VSTM2L: variants seen among roughly 807,000 people sequenced by gnomAD.
The protein encoded by VSTM2L is V-set and transmembrane domain-containing protein 2-like protein.
Under a neutral mutation model 19.9 loss-of-function variants are expected in VSTM2L, and 9 were observed. The observed-to-expected ratio is 0.45, with a 90% CI of 0.27 to 0.79. The LOEUF is 0.79. Ranked by LOEUF, VSTM2L falls within the 30% of genes least tolerant of loss-of-function variation. The pLI, the probability that VSTM2L is intolerant of heterozygous loss-of-function variation, is 0.15. For synonymous variants in VSTM2L, 127 were observed against 133.8 expected (o/e 0.95, Z 0.35); for missense variants, 286 against 295.5 (o/e 0.97, Z 0.24).
intron 1 of VSTM2L, among the ~76,000 whole-genome samples, chr20:37,923,543 C>G (rs1274176735): frequency 6.6e-6 from 1 of 152,232 alleles, no homozygotes; most frequent in Admixed American, 6.5e-5. Context: ...CCAGCTCAGG[C>G]CCTGAGGCTG....
chr20:37,942,869 C>A (rs2072980705), intron 3 of VSTM2L, among the ~76,000 whole-genome samples: 1 of 152,250 alleles, frequency 6.6e-6, no homozygotes, highest in African/African-American at 2.4e-5. Flanking sequence ...AACATCCTTG[C>A]TCCCCCCAAG....
chr20:37,906,231 G>A (rs767342790), intron 1 of VSTM2L, among the ~76,000 whole-genome samples: 13 of 152,114 alleles, frequency 8.5e-5, no homozygotes, highest in Non-Finnish European at 1.2e-4. Flanking sequence ...GGTCAGAAAG[G>A]ACATCTGTTT....
intron 1 of VSTM2L, among the ~76,000 whole-genome samples, chr20:37,914,149 G>A (rs936154140): frequency 6.6e-6 from 1 of 151,606 alleles, no homozygotes; most frequent in African/African-American, 2.4e-5. Context: ...GTGTGTGTGC[G>A]TGTGTGTATG....
chr20:37,931,130 T>C lies in VSTM2L; in HGVS notation c.122-505T>C, dbSNP rs917675718. ...CCAGGGGAATGGGTGCTGATCCCCA[T>C]ACCTGGGGTCCCAGGGGAGGGTTCT... On this transcript the variant is annotated intron_variant, in intron 1 of 3. Transcript: ENST00000373461. 2.1e-4 allele frequency among the ~76,000 whole-genome samples: 32 copies of C among 152,244 alleles called. No homozygotes were observed. In the Middle Eastern group the frequency reaches 0.01, roughly 49 times the overall value.
intron 1 of VSTM2L, among the ~76,000 whole-genome samples, chr20:37,915,085 C>T (rs1378090039): frequency 2.0e-5 from 3 of 152,230 alleles, no homozygotes; most frequent in Non-Finnish European, 4.4e-5. Flanking sequence ...AATGGAGGCC[C>T]GGCGGCCAGA....
At chr20:37,929,279 C>T (rs2072895630) in intron 1 of VSTM2L, among the ~76,000 whole-genome samples, 1 of 152,042 alleles carries the variant, frequency 6.6e-6, no homozygotes, top group South Asian at 2.1e-4. Flanking sequence ...ACTGGGATGC[C>T]TGGGGAAGGA....
At chr20:37,907,574 G>C (rs2072757541) in intron 1 of VSTM2L, among the ~76,000 whole-genome samples, 1 of 151,954 alleles carries the variant, frequency 6.6e-6, no homozygotes, top group Non-Finnish European at 1.5e-5. Context: ...GTCCAGACAG[G>C]GGCAGGTGGA....
chr20:37,931,934 TCTCC>T, intron 2 of VSTM2L, 130 bp downstream of exon 2: 2 of 1,098,860 alleles, frequency 1.8e-6, no homozygotes, highest in Non-Finnish European at 1.3e-6. Context: ...CACACAGCTG[TCTCC>T]CTCCCTTCTT....
chr20:37,927,102 C>A (rs191877574), intron 1 of VSTM2L, among the ~76,000 whole-genome samples: 1 of 152,134 alleles, frequency 6.6e-6, no homozygotes, highest in African/African-American at 2.4e-5. Flanking sequence ...GTAGCTGGGA[C>A]TACAGGCACA....
At chr20:37,911,795 A>G (rs1294849633) in intron 1 of VSTM2L, among the ~76,000 whole-genome samples, 1 of 152,168 alleles carries the variant, frequency 6.6e-6, no homozygotes, top group Non-Finnish European at 1.5e-5. Flanking sequence ...CCACTGAACA[A>G]TGGTGAGTTT....
chr20:37,914,635 C>T (rs957373200), intron 1 of VSTM2L, among the ~76,000 whole-genome samples: 1 of 152,026 alleles, frequency 6.6e-6, no homozygotes, highest in Admixed American at 6.5e-5. Flanking sequence ...GCTCCTGGCT[C>T]CCCTGTGCTC....
chr20:37,932,823 A>G (rs1240316209), intron 2 of VSTM2L, among the ~76,000 whole-genome samples: 4 of 152,220 alleles, frequency 2.6e-5, no homozygotes, highest in African/African-American at 9.6e-5. Flanking sequence ...GCAAACATAG[A>G]GATCTGCCCA....
At chr20:37,937,206 C>T (rs1013078149) in intron 3 of VSTM2L, among the ~76,000 whole-genome samples, 3 of 152,058 alleles carry the variant, frequency 2.0e-5, no homozygotes, top group South Asian at 2.1e-4. Flanking sequence ...AGATCATTTA[C>T]GTGGGAGGAC....
intron 3 of VSTM2L, among the ~76,000 whole-genome samples, chr20:37,942,875 C>A (rs146710077): frequency 6.6e-6 from 1 of 152,370 alleles, no homozygotes; most frequent in East Asian, 1.9e-4. Context: ...CTTGCTCCCC[C>A]CAAGTGGAGT....
chr20:37,920,017 T>C (rs186345547), intron 1 of VSTM2L, among the ~76,000 whole-genome samples: 722 of 152,316 alleles, frequency 4.7e-3, no homozygotes, highest in Middle Eastern at 0.01. Flanking sequence ...CTGGCTCCAA[T>C]GGCCCCCAGG....
chr20:37,933,613 G>A (rs1224256251), intron 3 of VSTM2L, 24 bp downstream of exon 3: 34 of 1,613,330 alleles, frequency 2.1e-5, no homozygotes, highest in South Asian at 8.8e-5. Context: ...ATGACTTCTC[G>A]AAAGGGCTCT....
intron 1 of VSTM2L, among the ~76,000 whole-genome samples, chr20:37,904,913 C>A (rs2072743247): frequency 6.6e-6 from 1 of 152,132 alleles, no homozygotes; most frequent in South Asian, 2.1e-4. Context: ...CATTTACATA[C>A]CCTTCATGCC....
chr20:37,931,056 G>T (rs1269095541), intron 1 of VSTM2L, among the ~76,000 whole-genome samples: 2 of 152,196 alleles, frequency 1.3e-5, no homozygotes, highest in Non-Finnish European at 2.9e-5. Flanking sequence ...AACAGCCAGA[G>T]CAAGAGTGAG....
intron 1 of VSTM2L, among the ~76,000 whole-genome samples, chr20:37,925,974 C>A (rs2122960710): frequency 6.6e-6 from 1 of 152,382 alleles, no homozygotes; most frequent in South Asian, 2.1e-4. Context: ...TCTGCTGTGC[C>A]TGCCCAGGCC....
Sources: allele counts gnomAD v4.1 joint callset (sites outside exome capture counted in the v4.1 genomes callset), GRCh38; gene constraint gnomAD v4.1.1; transcripts MANE v1.5; gene names NCBI Gene and HGNC (gene_info 2026-07-23, HGNC 2026-07-21).